CENPK: variants seen among roughly 807,000 people sequenced by gnomAD.
CENPK encodes the protein SoxLZ/Sox6-binding protein Solt.
Under a neutral mutation model 40.9 loss-of-function variants are expected in CENPK, and 46 were observed. The observed-to-expected ratio is 1.13, with a 90% CI of 0.89 to 1.44. The LOEUF (loss-of-function observed/expected upper bound fraction) is 1.44. Ranked by LOEUF, CENPK falls within the 40% of genes most tolerant of loss-of-function variation. The pLI, the probability that CENPK is intolerant of heterozygous loss-of-function variation, is 0.00. For synonymous variants in CENPK, 107 were observed against 104.4 expected, an observed-to-expected ratio of 1.02 and a Z score of -0.15; for missense variants, 288 against 303.5, an observed-to-expected ratio of 0.95 and a Z score of 0.38.
the CENPK span, among the ~76,000 whole-genome samples, chr5:65,511,417 G>C: frequency 6.6e-6 from 1 of 152,228 alleles, no homozygotes; most frequent in Non-Finnish European, 1.5e-5. Context: ...CATAGCTAGA[G>C]AAGTCAATGC....
At chr5:65,514,263 G>GTTTTTTTTTTTTTTTTTTTTCTTTTT (rs59636233), downstream of CENPK, among the ~76,000 whole-genome samples, 1 of 27,734 alleles carries the variant, frequency 3.6e-5, no homozygotes, top group Non-Finnish European at 6.3e-5. Context: ...TTTTTTTTTA[G>GTTTTTTTTTTTTTTTTTTTTCTTTTT]TTTTTTTTAG....
chr5:65,521,011 G>A (rs986914623), intron 10 of CENPK, among the ~76,000 whole-genome samples: 3 of 152,106 alleles, frequency 2.0e-5, no homozygotes, highest in African/African-American at 7.2e-5. Flanking sequence ...TAAGAAAAGA[G>A]ACTGATGTTA....
chr5:65,556,944 A>G (rs1281271915), intron 2 of CENPK, among the ~76,000 whole-genome samples: 1 of 152,262 alleles, frequency 6.6e-6, no homozygotes, highest in African/African-American at 2.4e-5. Flanking sequence ...TTGTGCTCAC[A>G]TGATGAAATC....
At chr5:65,536,993 T>C (rs769802102) in intron 6 of CENPK, among the ~76,000 whole-genome samples, 1 of 152,218 alleles carries the variant, frequency 6.6e-6, no homozygotes, top group Non-Finnish European at 1.5e-5. Context: ...GCCCTGCCGT[T>C]TCCTGTCTCT....
chr5:65,559,435 C>G (rs572715103), intron 2 of CENPK, among the ~76,000 whole-genome samples: 58 of 151,854 alleles, frequency 3.8e-4, no homozygotes, highest in African/African-American at 1.3e-3. Context: ...CGAGACCATC[C>G]CGGCTAAAAG....
At chr5:65,509,635 C>T in the CENPK span, among the ~76,000 whole-genome samples, 6 of 152,234 alleles carry the variant, frequency 3.9e-5, no homozygotes, top group South Asian at 2.1e-4. Flanking sequence ...ATATTTTCAA[C>T]GCATTTGGGT....
At chr5:65,511,303 G>A in the CENPK span, among the ~76,000 whole-genome samples, 1 of 152,184 alleles carries the variant, frequency 6.6e-6, no homozygotes, top group Non-Finnish European at 1.5e-5. Context: ...AAGTTATCCG[G>A]AAGATCTAGC....
the CENPK span, among the ~76,000 whole-genome samples, chr5:65,499,439 T>C: frequency 6.6e-6 from 1 of 151,698 alleles, no homozygotes; most frequent in South Asian, 2.1e-4. Context: ...CTCTCAATGC[T>C]TTTAAGACTT....
intron 6 of CENPK, among the ~76,000 whole-genome samples, chr5:65,541,711 C>T (rs1051519746): frequency 2.0e-5 from 3 of 152,186 alleles, no homozygotes; most frequent in Admixed American, 6.5e-5. Flanking sequence ...CCACCAGAAT[C>T]GCCTTTAAAG....
intron 6 of CENPK, among the ~76,000 whole-genome samples, chr5:65,531,263 G>C (rs1745760634): frequency 6.6e-6 from 1 of 151,568 alleles, no homozygotes; most frequent in Admixed American, 6.6e-5. Flanking sequence ...TTGAAAAATA[G>C]AAAGGTATGT....
chr5:65,507,797 T>C, the CENPK span, among the ~76,000 whole-genome samples: 6 of 152,376 alleles, frequency 3.9e-5, no homozygotes, highest in East Asian at 3.9e-4. Context: ...AAGGAACTTA[T>C]GTAGGATCCC....
chr5:65,498,780 C>A, the CENPK span, among the ~76,000 whole-genome samples: 19 of 151,692 alleles, frequency 1.3e-4, no homozygotes, highest in Admixed American at 4.6e-4. Flanking sequence ...CCTTAGGCTC[C>A]TTAGTAACTA....
intron 9 of CENPK, among the ~76,000 whole-genome samples, chr5:65,524,327 G>A (rs1352708087): frequency 6.6e-6 from 1 of 151,550 alleles, no homozygotes; most frequent in African/African-American, 2.4e-5. Context: ...GGAGCTTACA[G>A]TGAGCCAGGA....
At position 65,554,941 on chromosome 5, in the gene CENPK, G is replaced by C; in HGVS notation, c.-34C>G. 1.5e-6 allele frequency: 2 copies of C among 1,291,614 alleles called. No individual in the cohort carries two copies. Among genetic ancestry groups the C allele is most frequent in the Non-Finnish European group, 2.2e-6 (2 of 894,976 alleles). 80.0% of individuals were successfully genotyped at this position (1,291,614 alleles called of 1,614,324 possible). A position where few individuals can be genotyped will look rare whatever the true frequency, so the allele number is the denominator to read the frequency against. On this transcript the variant is annotated 5_prime_UTR_variant, in exon 3 of 11. Transcript: ENST00000396679. ...GCTTTGTGAATTTTTAGCCTTATAA[G>C]AAAAACTAAAGCAAAAAATATTTAT...
chr5:65,527,354 G>T lies in CENPK; in HGVS notation c.597+1098C>A, dbSNP rs553833330. On this transcript the variant is annotated intron_variant, in intron 9 of 10. Coordinates refer to ENST00000396679, the MANE Select transcript of CENPK (RefSeq NM_022145.5). ...TGGAGATGAGGCTGAAGAGATAGAA[G>T]TCCATAGTATAAATCCTAATGAAGA... Among the ~76,000 whole-genome samples the T allele has an allele frequency of 9.2e-5, 14 of 151,390 alleles. No individual in the cohort carries two copies. The South Asian group carries it at 2.5e-3, about 27-fold the overall frequency.
intron 9 of CENPK, among the ~76,000 whole-genome samples, chr5:65,525,485 T>C (rs1291228839): frequency 1.3e-5 from 2 of 152,230 alleles, no homozygotes; most frequent in Admixed American, 6.5e-5. Context: ...TAGCAAGATG[T>C]CTCAAATGAC....
At chr5:65,538,224 C>G (rs1252195214) in intron 6 of CENPK, among the ~76,000 whole-genome samples, 2 of 152,142 alleles carry the variant, frequency 1.3e-5, no homozygotes, top group Non-Finnish European at 2.9e-5. Context: ...CCTGAAGTGT[C>G]TCTCCTTGAG....
At chr5:65,561,873 A>G (rs186375139) in intron 1 of CENPK, among the ~76,000 whole-genome samples, 1 of 152,366 alleles carries the variant, frequency 6.6e-6, no homozygotes, top group Non-Finnish European at 1.5e-5. Flanking sequence ...CATTTATTCA[A>G]CAAATATGTT....
At chr5:65,558,635 T>A (rs1751389487) in intron 2 of CENPK, among the ~76,000 whole-genome samples, 1 of 152,202 alleles carries the variant, frequency 6.6e-6, no homozygotes, top group Non-Finnish European at 1.5e-5. Flanking sequence ...TACAGGATTA[T>A]TCAGTAGTAG....
Sources: gnomAD v4.1 joint callset for allele counts (sites outside exome capture counted in the v4.1 genomes callset) on GRCh38, gnomAD v4.1.1 for gene constraint, MANE v1.5 for transcripts, NCBI Gene and HGNC (gene_info 2026-07-23, HGNC 2026-07-21) for gene names.